GABBR2: variants seen among roughly 807,000 people sequenced by gnomAD.
The protein encoded by GABBR2 is gamma-aminobutyric acid type B receptor subunit 2.
In GABBR2, 23 loss-of-function variants were observed where a neutral mutation model predicts 105.6. That is an observed-to-expected ratio of 0.22 (90% CI 0.16 to 0.31). GABBR2 has a LOEUF of 0.31. GABBR2 is among the 10% of genes least tolerant of loss of function. The pLI is 1.00. For synonymous variants in GABBR2, 478 were observed against 499.7 expected (o/e 0.96, Z 0.58); for missense variants, 734 against 1,245.5 (o/e 0.59, Z 6.18).
chr9:98,408,361 G>T (rs1474051740), intron 7 of GABBR2, among the ~76,000 whole-genome samples: 3 of 152,216 alleles, frequency 2.0e-5, no homozygotes, highest in African/African-American at 7.2e-5. Flanking sequence ...AGTGCTGATG[G>T]AGACACGGAT....
At chr9:98,385,509 T>A in intron 11 of GABBR2, 131 bp downstream of exon 11, 2 of 737,222 alleles carry the variant, frequency 2.7e-6, no homozygotes, top group Non-Finnish European at 4.7e-6. Context: ...AGTTGAAAAC[T>A]ACTAAATGGG....
intron 1 of GABBR2, among the ~76,000 whole-genome samples, chr9:98,594,908 T>C (rs1214477108): frequency 2.6e-5 from 4 of 152,230 alleles, no homozygotes; most frequent in Non-Finnish European, 5.9e-5. Context: ...AGGCGTTTAC[T>C]GAGGATCTCT....
intron 13 of GABBR2, among the ~76,000 whole-genome samples, chr9:98,330,775 C>G (rs1831010318): frequency 1.3e-5 from 2 of 152,208 alleles, no homozygotes; most frequent in African/African-American, 2.4e-5. Context: ...ACAAAATTCA[C>G]AATTTAAACC....
chr9:98,637,104 T>A (rs1243444067), intron 1 of GABBR2, among the ~76,000 whole-genome samples: 1 of 152,222 alleles, frequency 6.6e-6, no homozygotes, highest in South Asian at 2.1e-4. Context: ...AAAACTTTCA[T>A]CTGATATCGA....
At chr9:98,685,598 C>T (rs756921951) in intron 1 of GABBR2, among the ~76,000 whole-genome samples, 6 of 152,356 alleles carry the variant, frequency 3.9e-5, no homozygotes, top group Middle Eastern at 6.8e-3. Flanking sequence ...ACTAGAATAT[C>T]AGCTCCAAAT....
chr9:98,693,373 G>A (rs978603393), intron 1 of GABBR2, among the ~76,000 whole-genome samples: 6 of 152,190 alleles, frequency 3.9e-5, no homozygotes, highest in Admixed American at 6.5e-5. Flanking sequence ...ATGTCCTCAG[G>A]TGGTAGCAGG....
chr9:98,351,234 C>A (rs2131423934), intron 13 of GABBR2, among the ~76,000 whole-genome samples: 1 of 152,206 alleles, frequency 6.6e-6, no homozygotes, highest in Non-Finnish European at 1.5e-5. Context: ...CATTTACATT[C>A]AATGTTGTTA....
At chr9:98,694,809 A>G (rs1407939460) in intron 1 of GABBR2, among the ~76,000 whole-genome samples, 4 of 152,212 alleles carry the variant, frequency 2.6e-5, no homozygotes, top group Non-Finnish European at 4.4e-5. Context: ...TACTATTCTC[A>G]TTTTATAGGT....
In GABBR2 at chr9:98,303,836, A is replaced by T. The variant is rs147496067; in HGVS notation, c.2230-413T>A. On this transcript the variant is annotated intron_variant, in intron 15 of 18. Transcript: ENST00000259455. ...AGCGAAGGCCTCTGTTAAACCATTGATGAGTTCTGGAAGCAGGCTAGTAAC... is the reference window on the plus strand; with the variant it reads ...AGCGAAGGCCTCTGTTAAACCATTGTTGAGTTCTGGAAGCAGGCTAGTAAC... 1.6e-3 allele frequency among the ~76,000 whole-genome samples: 237 copies of T among 152,370 alleles called. 7 individuals carry two copies. In the East Asian group the frequency reaches 0.041, roughly 26 times the overall value.
intron 2 of GABBR2, among the ~76,000 whole-genome samples, chr9:98,567,632 G>A (rs985310362): frequency 6.6e-6 from 1 of 152,194 alleles, no homozygotes; most frequent in Non-Finnish European, 1.5e-5. Context: ...GGGCCTGATG[G>A]TCTGCAAAGT....
chr9:98,409,567 T>C (rs1053777741), intron 7 of GABBR2, among the ~76,000 whole-genome samples: 1 of 152,182 alleles, frequency 6.6e-6, no homozygotes, highest in Non-Finnish European at 1.5e-5. Context: ...CCACCCAGGA[T>C]GGAGGCCCTC....
In GABBR2 at chr9:98,303,432, A is replaced by C; in HGVS notation, c.2230-9T>G. 1.2e-6 allele frequency: 2 copies of C among 1,613,366 alleles called. No individual in the cohort carries two copies. Among genetic ancestry groups the C allele is most frequent in the Non-Finnish European group, 1.7e-6 (2 of 1,179,492 alleles). ...GTTCTCAGGGTGATGAGCTGAAAGG[A>C]CAAAGGTTGGGGCGGGGTTGAAGAG... On this transcript the variant is annotated splice_polypyrimidine_tract_variant and intron_variant, in intron 15 of 18. Coordinates refer to ENST00000259455, the MANE Select transcript of GABBR2 (RefSeq NM_005458.8).
At chr9:98,532,050 G>A (rs927161176) in intron 3 of GABBR2, among the ~76,000 whole-genome samples, 7 of 152,150 alleles carry the variant, frequency 4.6e-5, no homozygotes. Context: ...TCCATCTTAA[G>A]CAATAACATC....
At chr9:98,517,971 G>A (rs1827792039) in intron 3 of GABBR2, among the ~76,000 whole-genome samples, 1 of 152,134 alleles carries the variant, frequency 6.6e-6, no homozygotes, top group Admixed American at 6.5e-5. Flanking sequence ...GGGCCAATGG[G>A]AGCCCAGTAG....
intron 3 of GABBR2, among the ~76,000 whole-genome samples, chr9:98,503,780 G>A (rs1250457886): frequency 6.6e-6 from 1 of 152,148 alleles, no homozygotes; most frequent in Non-Finnish European, 1.5e-5. Flanking sequence ...TTGTGGTTAG[G>A]ATGCTGGCTG....
intron 15 of GABBR2, chr9:98,304,276 C>G (rs1348314109): frequency 6.5e-6 from 1 of 153,062 alleles, no homozygotes; most frequent in Non-Finnish European, 1.5e-5. Flanking sequence ...TGGTGTCTGG[C>G]AACGCAGGGA....
rs1254054361 is a variant in GABBR2, at chr9:98,388,253, T to C, written c.1529+601A>G. Among the ~76,000 whole-genome samples the C allele has an allele frequency of 6.6e-6, 1 of 152,204 alleles. No individual in the cohort carries two copies. Among genetic ancestry groups the C allele is most frequent in the Non-Finnish European group, 1.5e-5 (1 of 68,024 alleles). Reference sequence around the variant, plus strand: ...AAGACAAGAAACCAAGAAGACAGTCTGCCACGAGTGGACAGCAGCACTCTG... The same window carrying C: ...AAGACAAGAAACCAAGAAGACAGTCCGCCACGAGTGGACAGCAGCACTCTG... On this transcript the variant is annotated intron_variant, in intron 10 of 18. Coordinates refer to ENST00000259455, the MANE Select transcript of GABBR2 (RefSeq NM_005458.8). The surrounding 1 kb of genome is among the most constrained non-coding windows in gnomAD (Gnocchi z 4.4).
At chr9:98,432,371 T>C (rs1199381663) in intron 7 of GABBR2, among the ~76,000 whole-genome samples, 1 of 151,092 alleles carries the variant, frequency 6.6e-6, no homozygotes, top group Non-Finnish European at 1.5e-5. Context: ...AAGGGAGGAG[T>C]TGAAGATGAT....
intron 10 of GABBR2, 148 bp from the exon 11 acceptor site, chr9:98,385,920 G>C (rs1185070628): frequency 1.6e-6 from 1 of 632,848 alleles, no homozygotes; most frequent in East Asian, 2.7e-5. Context: ...GGGCCTCAGG[G>C]GACACATCAG....
Sources: allele counts gnomAD v4.1 joint callset (sites outside exome capture counted in the v4.1 genomes callset), GRCh38; gene constraint gnomAD v4.1.1; non-coding constraint Gnocchi (gnomAD v3.1); transcripts MANE v1.5; gene names NCBI Gene and HGNC (gene_info 2026-07-23, HGNC 2026-07-21).